LRP6: variants seen among roughly 807,000 people sequenced by gnomAD.
LRP6 encodes the protein LDL receptor related protein 6, also known as low-density lipoprotein receptor-related protein 6.
Under a neutral mutation model 184.1 loss-of-function variants are expected in LRP6, and 43 were observed. The observed-to-expected ratio is 0.23, with a 90% CI of 0.18 to 0.30. The LOEUF is 0.30. LRP6 is among the 10% of genes least tolerant of loss of function. The pLI, the probability that LRP6 is intolerant of heterozygous loss-of-function variation, is 1.00. For missense variants in LRP6, 1,571 were observed against 2,005.3 expected (o/e 0.78, Z 4.14); for synonymous variants, 719 against 684.9 (o/e 1.05, Z -0.78).
In LRP6 at chr12:12,258,860, G is replaced by A. The variant is rs564581375; in HGVS notation, c.55+7821C>T. On this transcript the variant is annotated intron_variant, in intron 1 of 22. Coordinates refer to ENST00000261349, the MANE Select transcript of LRP6 (RefSeq NM_002336.3). ...CTTTACTTGTAGTTTGGGTCTTGTA[G>A]TGATAAAACAATGACTAAGACCATT... Among the ~76,000 whole-genome samples, 17 of 152,310 alleles carry A rather than the reference G, an allele frequency of 1.1e-4. No individual in the cohort carries two copies. In the East Asian group the frequency reaches 3.1e-3, roughly 28 times the overall value.
intron 2 of LRP6, among the ~76,000 whole-genome samples, chr12:12,231,009 C>T (rs567229097): frequency 2.5e-4 from 38 of 151,618 alleles, no homozygotes; most frequent in South Asian, 4.2e-4. Context: ...GGTAAAACCC[C>T]GTCTCTACTA....
rs540233431 is a variant in LRP6, at chr12:12,198,690, C to T, written c.647+4513G>A. Reference sequence around the variant, plus strand: ...TTGTGATTACAGGCGTGCATCACCACGTCCAGCAAATTTTTGTATTTTTAG... The same window carrying T: ...TTGTGATTACAGGCGTGCATCACCATGTCCAGCAAATTTTTGTATTTTTAG... On this transcript the variant is annotated intron_variant, in intron 3 of 22. Coordinates refer to ENST00000261349, the MANE Select transcript of LRP6 (RefSeq NM_002336.3). 9.2e-5 allele frequency among the ~76,000 whole-genome samples: 14 copies of T among 151,982 alleles called. No individual in the cohort carries two copies. In the East Asian group the frequency reaches 1.2e-3, roughly 13 times the overall value.
chr12:12,221,089 T>C (rs1019196375), intron 2 of LRP6, among the ~76,000 whole-genome samples: 1 of 152,224 alleles, frequency 6.6e-6, no homozygotes, highest in Non-Finnish European at 1.5e-5. Context: ...CCAATGTCAA[T>C]ATTCGTGAGA....
intron 2 of LRP6, among the ~76,000 whole-genome samples, chr12:12,236,902 C>T (rs1864943481): frequency 6.7e-6 from 1 of 148,784 alleles, no homozygotes; most frequent in Non-Finnish European, 1.5e-5. Context: ...TCCAAACCCC[C>T]ATAATTCAGG....
At chr12:12,228,483 C>T (rs1229387236) in intron 2 of LRP6, among the ~76,000 whole-genome samples, 1 of 152,202 alleles carries the variant, frequency 6.6e-6, no homozygotes, top group Non-Finnish European at 1.5e-5. Flanking sequence ...GTCTCAGGAT[C>T]TGCTTTATGA....
chr12:12,129,031 A>C (rs1387476877), intron 19 of LRP6, among the ~76,000 whole-genome samples: 1 of 152,256 alleles, frequency 6.6e-6, no homozygotes, highest in Admixed American at 6.5e-5. Context: ...AGAATGATTT[A>C]GTGGGTTACA....
chr12:12,133,137 C>T (rs141089232), intron 17 of LRP6, among the ~76,000 whole-genome samples: 1 of 152,188 alleles, frequency 6.6e-6, no homozygotes, highest in African/African-American at 2.4e-5. Flanking sequence ...AAAATATATC[C>T]ACGTCCTTAA....
At chr12:12,254,291 AAC>A (rs1408890658) in intron 1 of LRP6, among the ~76,000 whole-genome samples, 1 of 152,180 alleles carries the variant, frequency 6.6e-6, no homozygotes, top group African/African-American at 2.4e-5. Flanking sequence ...CTAGTAGAAA[AAC>A]AGATGGGTTC....
In LRP6 at chr12:12,160,595, T is replaced by C. The variant is rs1205845328; in HGVS notation, c.2280-631A>G. 2.6e-5 allele frequency among the ~76,000 whole-genome samples: 4 copies of C among 152,224 alleles called. No individual in the cohort carries two copies. In the East Asian group the frequency reaches 7.7e-4, roughly 29 times the overall value. On this transcript the variant is annotated intron_variant, in intron 10 of 22. Transcript: ENST00000261349. ...CTGGGCAATGAACACTACACTACGC[T>C]ACAACAATCTCTGTGAAATTTTAGA...
intron 12 of LRP6, among the ~76,000 whole-genome samples, chr12:12,157,127 AT>A (rs1862606437): frequency 6.6e-6 from 1 of 152,148 alleles, no homozygotes; most frequent in South Asian, 2.1e-4. Context: ...AACCTCATTC[AT>A]TTTAAATACA....
chr12:12,142,641 A>G (rs908226039), intron 15 of LRP6, among the ~76,000 whole-genome samples: 1 of 152,202 alleles, frequency 6.6e-6, no homozygotes, highest in Non-Finnish European at 1.5e-5. Flanking sequence ...CTTGATGGCA[A>G]AACACCAACA....
At chr12:12,200,763 A>T (rs1270150940) in intron 3 of LRP6, among the ~76,000 whole-genome samples, 3 of 152,168 alleles carry the variant, frequency 2.0e-5, no homozygotes, top group African/African-American at 7.2e-5. Flanking sequence ...TTGCTTCATA[A>T]AGAAGCAGCC....
chr12:12,254,143 CAAAAAAAAAAA>C (rs34210761), intron 1 of LRP6, among the ~76,000 whole-genome samples: 1 of 74,374 alleles, frequency 1.3e-5, no homozygotes, highest in Non-Finnish European at 2.3e-5. Context: ...GACTCTGTCT[CAAAAAAAAAAA>C]AAAAAAAAAA....
intron 3 of LRP6, among the ~76,000 whole-genome samples, chr12:12,195,010 C>T (rs1008566345): frequency 5.9e-5 from 9 of 152,068 alleles, no homozygotes; most frequent in South Asian, 2.1e-4. Flanking sequence ...CAGGTCTATC[C>T]ATATTGCTGA....
intron 17 of LRP6, among the ~76,000 whole-genome samples, chr12:12,132,283 GT>G (rs1191560019): frequency 6.6e-6 from 1 of 152,168 alleles, no homozygotes; most frequent in African/African-American, 2.4e-5. Flanking sequence ...TAAGGCAAAA[GT>G]TTTTTCATAT....
intron 2 of LRP6, among the ~76,000 whole-genome samples, chr12:12,230,365 T>TA (rs1408617919): frequency 6.6e-6 from 1 of 152,172 alleles, no homozygotes; most frequent in Non-Finnish European, 1.5e-5. Context: ...CCTAATTTGG[T>TA]AAGTATACTC....
In LRP6 at chr12:12,159,170, G is replaced by A; in HGVS notation, c.2465-15C>T. 6.3e-7 allele frequency: 1 copy of A among 1,598,946 alleles called. No individual in the cohort carries two copies. The highest frequency in any genetic ancestry group is 8.6e-7 in the Non-Finnish European group (1 of 1,166,300). ...ACGGTTGAGCCCTATTTTCAGAAAG[G>A]CAGTAGACAGGGGAGAAGCAGAGTG... On this transcript the variant is annotated splice_polypyrimidine_tract_variant and intron_variant, in intron 11 of 22. Coordinates refer to ENST00000261349, the MANE Select transcript of LRP6 (RefSeq NM_002336.3).
chr12:12,254,639 T>TA (rs1294825707), intron 1 of LRP6, among the ~76,000 whole-genome samples: 7 of 152,218 alleles, frequency 4.6e-5, no homozygotes, highest in African/African-American at 1.7e-4. Context: ...AAACATTACT[T>TA]ATGCAACCAA....
chr12:12,228,305 G>A (rs1357641802), intron 2 of LRP6, among the ~76,000 whole-genome samples: 3 of 151,980 alleles, frequency 2.0e-5, no homozygotes, highest in Admixed American at 6.6e-5. Context: ...CGGAGGTTGC[G>A]GTGAGCCCAG....
Sources: allele counts gnomAD v4.1 joint callset (sites outside exome capture counted in the v4.1 genomes callset), GRCh38; gene constraint gnomAD v4.1.1; transcripts MANE v1.5; gene names NCBI Gene and HGNC (gene_info 2026-07-23, HGNC 2026-07-21).